The following KCNAB1 variants were observed in gnomAD, a reference collection of about 807,000 sequenced individuals.
The protein encoded by KCNAB1 is voltage-gated potassium channel subunit beta-1.
A neutral mutation model predicts 64.6 loss-of-function variants in KCNAB1; 35 were observed. The observed-to-expected ratio is 0.54, with a 90% confidence interval of 0.41 to 0.72. KCNAB1 has a LOEUF of 0.72. KCNAB1 is among the 30% of genes least tolerant of loss of function. The pLI is 0.00. For synonymous variants in KCNAB1, 177 were observed against 183.8 expected, an observed-to-expected ratio of 0.96 and a Z score of 0.30; for missense variants, 401 against 512.9, an observed-to-expected ratio of 0.78 and a Z score of 2.11.
intron 1 of KCNAB1, among the ~76,000 whole-genome samples, chr3:156,160,345 A>G (rs765773498): frequency 9.9e-5 from 15 of 152,210 alleles, no homozygotes; most frequent in Non-Finnish European, 1.8e-4. Flanking sequence ...TACCTATCCC[A>G]TAGGGTTTGG....
chr3:156,262,198 T>C (rs1437899883), intron 1 of KCNAB1, among the ~76,000 whole-genome samples: 1 of 151,912 alleles, frequency 6.6e-6, no homozygotes, highest in African/African-American at 2.4e-5. Context: ...TTCCTTTTAT[T>C]TATTTTTTAT....
chr3:156,520,069 A>C (rs1485598581), intron 11 of KCNAB1, among the ~76,000 whole-genome samples: 2 of 152,212 alleles, frequency 1.3e-5, no homozygotes, highest in African/African-American at 4.8e-5. Flanking sequence ...TGATTTGTGA[A>C]TACATCTAGG....
chr3:156,437,278 G>A (rs959018945), intron 2 of KCNAB1, among the ~76,000 whole-genome samples: 2 of 151,684 alleles, frequency 1.3e-5, no homozygotes. Context: ...GAAGGGAACT[G>A]TGAAATCGAA....
At chr3:156,510,799 T>C (rs1434262807) in intron 8 of KCNAB1, among the ~76,000 whole-genome samples, 1 of 152,150 alleles carries the variant, frequency 6.6e-6, no homozygotes, top group Non-Finnish European at 1.5e-5. Context: ...TGGGCATGGC[T>C]CCCTCTTGAA....
chr3:156,414,975 C>T (rs1226321710), intron 1 of KCNAB1, among the ~76,000 whole-genome samples: 5 of 152,208 alleles, frequency 3.3e-5, no homozygotes, highest in African/African-American at 1.2e-4. Context: ...CAAAGTGCCA[C>T]CTTCTTCTTT....
At chr3:156,536,234 C>T (rs1183812614) in intron 13 of KCNAB1, among the ~76,000 whole-genome samples, 2 of 152,198 alleles carry the variant, frequency 1.3e-5, no homozygotes, top group East Asian at 1.9e-4. Context: ...AACATGTTCA[C>T]AAGATGTGAC....
chr3:156,313,006 C>T (rs1024423848), intron 1 of KCNAB1, among the ~76,000 whole-genome samples: 1 of 152,192 alleles, frequency 6.6e-6, no homozygotes, highest in African/African-American at 2.4e-5. Context: ...CTCAACCCTG[C>T]ACCTCACCCA....
intron 8 of KCNAB1, among the ~76,000 whole-genome samples, chr3:156,509,416 G>A (rs1342871283): frequency 6.6e-6 from 1 of 152,136 alleles, no homozygotes; most frequent in African/African-American, 2.4e-5. Context: ...TGGTCCAGGA[G>A]CTACACCCTG....
intron 1 of KCNAB1, among the ~76,000 whole-genome samples, chr3:156,386,989 TCTTG>T (rs1293078090): frequency 6.6e-6 from 1 of 150,860 alleles, no homozygotes; most frequent in Admixed American, 6.6e-5. Context: ...GCTTGCTTTC[TCTTG>T]CTTGCTTGCT....
intron 1 of KCNAB1, among the ~76,000 whole-genome samples, chr3:156,193,809 A>G (rs202075784): frequency 6.6e-6 from 1 of 152,156 alleles, no homozygotes; most frequent in East Asian, 1.9e-4. Flanking sequence ...TTGGGTGGGG[A>G]CACAGCCAAA....
At chr3:156,196,086 C>T (rs1713908943) in intron 1 of KCNAB1, among the ~76,000 whole-genome samples, 1 of 152,134 alleles carries the variant, frequency 6.6e-6, no homozygotes, top group South Asian at 2.1e-4. Flanking sequence ...TGTCAAAGGT[C>T]ACATGATTGT....
intron 1 of KCNAB1, among the ~76,000 whole-genome samples, chr3:156,221,775 T>TCCC (rs1172625958): frequency 2.2e-5 from 3 of 134,542 alleles, no homozygotes; most frequent in Admixed American, 7.6e-5. Flanking sequence ...CAAAACTCCA[T>TCCC]CCCCCCCCGC....
chr3:156,171,318 C>G (rs908093844), intron 1 of KCNAB1, among the ~76,000 whole-genome samples: 31 of 152,182 alleles, frequency 2.0e-4, no homozygotes, highest in African/African-American at 7.5e-4. Flanking sequence ...ATTGGTTTCT[C>G]TCTTCTATAA....
intron 12 of KCNAB1, among the ~76,000 whole-genome samples, chr3:156,530,270 G>A (rs994859611): frequency 2.0e-5 from 3 of 152,154 alleles, no homozygotes; most frequent in Non-Finnish European, 4.4e-5. Flanking sequence ...GGCAGAGTTT[G>A]GTCTTGGACA....
intron 8 of KCNAB1, among the ~76,000 whole-genome samples, chr3:156,484,273 A>T (rs1456088422): frequency 6.6e-6 from 1 of 152,104 alleles, no homozygotes; most frequent in African/African-American, 2.4e-5. Flanking sequence ...AGACTATTGT[A>T]CCTTCTCACA....
At chr3:156,423,330 G>A (rs186906341) in intron 2 of KCNAB1, among the ~76,000 whole-genome samples, 2 of 152,352 alleles carry the variant, frequency 1.3e-5, no homozygotes, top group Admixed American at 6.5e-5. Context: ...TCTTGAGGAC[G>A]TGAGAAGCAC....
At chr3:156,356,394 T>C (rs1725243609) in intron 1 of KCNAB1, among the ~76,000 whole-genome samples, 1 of 152,122 alleles carries the variant, frequency 6.6e-6, no homozygotes, top group African/African-American at 2.4e-5. Flanking sequence ...TTTCATTTTT[T>C]TTTTCAAGAA....
chr3:156,188,204 C>T (rs991892119), intron 1 of KCNAB1, among the ~76,000 whole-genome samples: 1 of 151,054 alleles, frequency 6.6e-6, no homozygotes, highest in Non-Finnish European at 1.5e-5. Context: ...GGCTTATCTC[C>T]CTGTGGGGTT....
At chr3:156,235,082 C>T (rs1716771172) in intron 1 of KCNAB1, among the ~76,000 whole-genome samples, 1 of 152,200 alleles carries the variant, frequency 6.6e-6, no homozygotes, top group Admixed American at 6.5e-5. Flanking sequence ...CACTCTGACC[C>T]ACCAGCCTTG....
Sources: gnomAD v4.1 joint callset for allele counts (sites outside exome capture counted in the v4.1 genomes callset) on GRCh38, gnomAD v4.1.1 for gene constraint, MANE v1.5 for transcripts, NCBI Gene and HGNC (gene_info 2026-07-23, HGNC 2026-07-21) for gene names.